The following SDK1 variants were observed in gnomAD, a reference collection of about 807,000 sequenced individuals.
SDK1 encodes protein sidekick-1.
Under a neutral mutation model 245.5 loss-of-function variants are expected in SDK1, and 157 were observed. The ratio of observed to expected loss-of-function variants is 0.64; its 90% CI spans 0.56 to 0.73. SDK1 has a LOEUF of 0.73. Among genes scored for constraint, SDK1 ranks in the 30% least tolerant of loss-of-function variants. The pLI, the probability that SDK1 is intolerant of heterozygous loss-of-function variation, is 0.00. For synonymous variants in SDK1, 1,647 were observed against 1,278.5 expected (o/e 1.29, Z -6.15); for missense variants, 3,583 against 3,002.3 (o/e 1.19, Z -4.52).
chr7:3,945,934 G>C (rs779999868), intron 5 of SDK1, among the ~76,000 whole-genome samples: 1 of 57,976 alleles, frequency 1.7e-5, no homozygotes, highest in Non-Finnish European at 3.6e-5. Flanking sequence ...AAAAAAAAAA[G>C]ATAAAGTTTG....
chr7:3,679,358 A>C (rs1415595132), intron 4 of SDK1, among the ~76,000 whole-genome samples: 1 of 152,096 alleles, frequency 6.6e-6, no homozygotes, highest in Non-Finnish European at 1.5e-5. Flanking sequence ...CGAGGTCGGG[A>C]GATCGAGACC....
chr7:3,412,903 A>G (rs1381548693), intron 1 of SDK1, among the ~76,000 whole-genome samples: 1 of 152,208 alleles, frequency 6.6e-6, no homozygotes, highest in Admixed American at 6.5e-5. Context: ...CACGTGGTAC[A>G]TATTTATTGC....
At chr7:3,534,227 G>A (rs1022500217) in intron 1 of SDK1, among the ~76,000 whole-genome samples, 4 of 151,656 alleles carry the variant, frequency 2.6e-5, no homozygotes, top group African/African-American at 9.7e-5. Flanking sequence ...GCAGGATTTC[G>A]CTCTTTTTTT....
intron 41 of SDK1, among the ~76,000 whole-genome samples, chr7:4,234,955 C>A (rs1033868367): frequency 2.6e-5 from 4 of 152,176 alleles, no homozygotes; most frequent in Non-Finnish European, 4.4e-5. Context: ...CTGTTCCTCT[C>A]CTCTGCGTTA....
rs1462650436 is a variant in SDK1, at chr7:4,220,399, G to A, written c.5701+129G>A. 3.3e-5 allele frequency: 31 copies of A among 939,368 alleles called. 1 individual carries two copies. Among genetic ancestry groups the A allele is most frequent in the South Asian group, 3.1e-4 (18 of 58,568 alleles). 58.2% of individuals were successfully genotyped at this position (939,368 alleles called of 1,614,324 possible). ...GGCGGCCAAGAGCTGGCATCAACTC[G>A]GGGATGTCTGGGCAACATGGACGTC... On this transcript the variant is annotated intron_variant, in intron 39 of 44. Transcript: ENST00000404826.
At chr7:3,671,806 C>T (rs765503025) in intron 4 of SDK1, among the ~76,000 whole-genome samples, 17 of 152,282 alleles carry the variant, frequency 1.1e-4, no homozygotes, top group East Asian at 1.9e-4. Flanking sequence ...GAAATTATAA[C>T]GCCAGTGGGA....
At chr7:3,919,921 G>A (rs1583565114) in intron 5 of SDK1, among the ~76,000 whole-genome samples, 1 of 152,276 alleles carries the variant, frequency 6.6e-6, no homozygotes, top group Admixed American at 6.5e-5. Flanking sequence ...CAGTGGCACT[G>A]GCCACTAGAG....
At chr7:3,858,904 C>T (rs906622013) in intron 5 of SDK1, among the ~76,000 whole-genome samples, 4 of 148,036 alleles carry the variant, frequency 2.7e-5, no homozygotes, top group Admixed American at 6.8e-5. Context: ...ACTCTGTCAC[C>T]CAGGCTGGAG....
chr7:3,936,977 T>C (rs551782383), intron 5 of SDK1, among the ~76,000 whole-genome samples: 1 of 152,270 alleles, frequency 6.6e-6, no homozygotes, highest in East Asian at 1.9e-4. Flanking sequence ...CTCAGGAATG[T>C]TGGAACTCGG....
At chr7:3,403,864 TA>T (rs1778975063) in intron 1 of SDK1, among the ~76,000 whole-genome samples, 1 of 116,348 alleles carries the variant, frequency 8.6e-6, no homozygotes, top group African/African-American at 3.4e-5. Flanking sequence ...TATATATATA[TA>T]TATAATATAT....
At chr7:4,106,587 C>T (rs985501870) in intron 22 of SDK1, among the ~76,000 whole-genome samples, 6 of 152,202 alleles carry the variant, frequency 3.9e-5, no homozygotes, top group African/African-American at 7.2e-5. Flanking sequence ...TGAGCCACCG[C>T]GCCCGGCCAG....
At chr7:3,700,019 A>G (rs1227684873) in intron 4 of SDK1, among the ~76,000 whole-genome samples, 4 of 152,192 alleles carry the variant, frequency 2.6e-5, no homozygotes, top group Non-Finnish European at 5.9e-5. Context: ...CTCATCAGAA[A>G]TTGTAGTGAC....
intron 35 of SDK1, among the ~76,000 whole-genome samples, chr7:4,203,843 G>A (rs180861500): frequency 1.1e-4 from 16 of 152,378 alleles, no homozygotes; most frequent in African/African-American, 3.8e-4. Context: ...TTTGTTGCCT[G>A]CAGTAATTTT....
chr7:3,330,281 A>G (rs1357772003), intron 1 of SDK1, among the ~76,000 whole-genome samples: 3 of 152,192 alleles, frequency 2.0e-5, no homozygotes, highest in East Asian at 1.9e-4. Context: ...AAGTGGCTGC[A>G]TTAGTTTACA....
intron 4 of SDK1, among the ~76,000 whole-genome samples, chr7:3,702,822 G>A (rs753196061): frequency 2.0e-5 from 3 of 152,100 alleles, no homozygotes; most frequent in South Asian, 2.1e-4. Flanking sequence ...TGCAAAAGAG[G>A]GTCTGTAGAT....
At chr7:3,589,655 G>C (rs1368013619) in intron 1 of SDK1, among the ~76,000 whole-genome samples, 3 of 152,194 alleles carry the variant, frequency 2.0e-5, no homozygotes, top group Non-Finnish European at 2.9e-5. Flanking sequence ...GCAGGCAAGA[G>C]AGCATGTGCA....
chr7:3,970,982 C>T (rs770346446), intron 11 of SDK1, among the ~76,000 whole-genome samples: 4 of 152,178 alleles, frequency 2.6e-5, no homozygotes, highest in Non-Finnish European at 4.4e-5. Context: ...CAAGTCACTG[C>T]ATCTCTGAGC....
At chr7:3,784,381 G>A (rs923978968) in intron 4 of SDK1, among the ~76,000 whole-genome samples, 3 of 151,662 alleles carry the variant, frequency 2.0e-5, no homozygotes, top group African/African-American at 7.3e-5. Context: ...AACTCAAAAT[G>A]GATTAAAGTC....
At chr7:3,922,236 T>C (rs1169238156) in intron 5 of SDK1, among the ~76,000 whole-genome samples, 1 of 152,170 alleles carries the variant, frequency 6.6e-6, no homozygotes, top group Non-Finnish European at 1.5e-5. Context: ...TCTGGCCAGC[T>C]AAGCTCGGGC....
Sources: allele counts gnomAD v4.1 joint callset (sites outside exome capture counted in the v4.1 genomes callset), GRCh38; gene constraint gnomAD v4.1.1; transcripts MANE v1.5; gene names NCBI Gene and HGNC (gene_info 2026-07-23, HGNC 2026-07-21).